TAFA4: variants seen among roughly 807,000 people sequenced by gnomAD.
The protein encoded by TAFA4 is chemokine-like protein TAFA-4.
In TAFA4, 20 loss-of-function variants were observed where a neutral mutation model predicts 21.1. That is an observed-to-expected ratio of 0.95 (90% CI 0.67 to 1.38). The LOEUF (loss-of-function observed/expected upper bound fraction) is 1.38. TAFA4 is among the 40% of genes most tolerant of loss of function. TAFA4 has a pLI of 0.00. For synonymous variants in TAFA4, 71 were observed against 67.4 expected, an observed-to-expected ratio of 1.05 and a Z score of -0.26; for missense variants, 211 against 180.9, an observed-to-expected ratio of 1.17 and a Z score of -0.95.
At chr3:68,806,882 T>C (rs1170305175) in intron 3 of TAFA4, among the ~76,000 whole-genome samples, 1 of 152,194 alleles carries the variant, frequency 6.6e-6, no homozygotes, top group East Asian at 1.9e-4. Flanking sequence ...AATGAATTTC[T>C]GTCAAGCCAC....
intron 3 of TAFA4, among the ~76,000 whole-genome samples, chr3:68,877,599 G>C (rs1469857580): frequency 1.3e-5 from 2 of 152,110 alleles, no homozygotes; most frequent in African/African-American, 4.8e-5. Flanking sequence ...CACCCTTCTG[G>C]GTCACTCTGT....
intron 3 of TAFA4, among the ~76,000 whole-genome samples, chr3:68,803,730 G>A (rs1446431953): frequency 6.9e-6 from 1 of 145,184 alleles, no homozygotes; most frequent in Non-Finnish European, 1.5e-5. Flanking sequence ...TCTTCCTAAA[G>A]CCCTACCAAA....
At chr3:68,761,330 A>C (rs9850804) in intron 3 of TAFA4, among the ~76,000 whole-genome samples, 147,965 of 151,888 alleles carry the variant, frequency 0.97, 72,100 homozygotes, top group East Asian at 0.99. Flanking sequence ...TAACACTGAA[A>C]AAAATGAGCA....
chr3:68,819,222 A>T (rs1389818405), intron 3 of TAFA4, among the ~76,000 whole-genome samples: 1 of 150,846 alleles, frequency 6.6e-6, no homozygotes, highest in Admixed American at 6.6e-5. Context: ...GTGAGCTGAA[A>T]TTGCACTACT....
intron 1 of TAFA4, among the ~76,000 whole-genome samples, chr3:68,899,464 A>G (rs1000134697): frequency 6.6e-6 from 1 of 151,920 alleles, no homozygotes; most frequent in Non-Finnish European, 1.5e-5. Context: ...AACTTCTTCC[A>G]TGGTTTGACA....
At chr3:68,762,160 T>C (rs1455849812) in intron 3 of TAFA4, among the ~76,000 whole-genome samples, 1 of 151,362 alleles carries the variant, frequency 6.6e-6, no homozygotes, top group African/African-American at 2.4e-5. Flanking sequence ...AGAAAAAGAT[T>C]ACCTCTATGT....
intron 1 of TAFA4, among the ~76,000 whole-genome samples, chr3:68,903,286 C>G: frequency 6.6e-6 from 1 of 151,978 alleles, no homozygotes; most frequent in East Asian, 1.9e-4. Context: ...AATCAGGGGT[C>G]CATAAACCGG....
intron 4 of TAFA4, among the ~76,000 whole-genome samples, chr3:68,748,465 G>C (rs1008975702): frequency 3.3e-5 from 5 of 152,148 alleles, no homozygotes; most frequent in Non-Finnish European, 5.9e-5. Flanking sequence ...AAAGTGGGCC[G>C]GGTGCGGTGG....
At chr3:68,766,683 G>C (rs1172679022) in intron 3 of TAFA4, among the ~76,000 whole-genome samples, 1 of 152,044 alleles carries the variant, frequency 6.6e-6, no homozygotes, top group Non-Finnish European at 1.5e-5. Context: ...ACTACAAAAA[G>C]CAGAGTAAAG....
intron 3 of TAFA4, among the ~76,000 whole-genome samples, chr3:68,769,532 T>C (rs1037122683): frequency 5.9e-5 from 9 of 152,266 alleles, no homozygotes; most frequent in Non-Finnish European, 1.2e-4. Flanking sequence ...TGATTAACAG[T>C]AGTGTATATT....
chr3:68,765,128 G>A (rs181784930), intron 3 of TAFA4, among the ~76,000 whole-genome samples: 259 of 152,118 alleles, frequency 1.7e-3, no homozygotes, highest in Admixed American at 8.6e-3. Flanking sequence ...TAAACAAAAG[G>A]ACTTGTTTTA....
intron 1 of TAFA4, among the ~76,000 whole-genome samples, chr3:68,926,892 CAG>C (rs1337102086): frequency 6.6e-6 from 1 of 152,104 alleles, no homozygotes; most frequent in African/African-American, 2.4e-5. Context: ...GCCTGGGTGA[CAG>C]AGCAAGAATC....
chr3:68,875,962 A>T (rs1239020507), intron 3 of TAFA4, among the ~76,000 whole-genome samples: 2 of 152,176 alleles, frequency 1.3e-5, no homozygotes, highest in Non-Finnish European at 2.9e-5. Flanking sequence ...AATAAAACAT[A>T]AAAGAAATTA....
intron 3 of TAFA4, among the ~76,000 whole-genome samples, chr3:68,798,231 C>T (rs1256174155): frequency 6.6e-6 from 1 of 152,086 alleles, no homozygotes; most frequent in Non-Finnish European, 1.5e-5. Flanking sequence ...CTGGTGTGTA[C>T]AAAGGTGAAT....
At chr3:68,924,223 G>C (rs1013597303) in intron 1 of TAFA4, among the ~76,000 whole-genome samples, 1 of 152,102 alleles carries the variant, frequency 6.6e-6, no homozygotes, top group Non-Finnish European at 1.5e-5. Context: ...TAGCCAAAAG[G>C]TGGAAAAAAA....
At chr3:68,857,135 G>A (rs1051151730) in intron 3 of TAFA4, among the ~76,000 whole-genome samples, 2 of 152,080 alleles carry the variant, frequency 1.3e-5, no homozygotes, top group Non-Finnish European at 2.9e-5. Flanking sequence ...TTATATGTTC[G>A]AAATGTGGCA....
At chr3:68,811,706 T>C (rs1703844011) in intron 3 of TAFA4, among the ~76,000 whole-genome samples, 1 of 152,188 alleles carries the variant, frequency 6.6e-6, no homozygotes, top group African/African-American at 2.4e-5. Flanking sequence ...GATTGGTGTA[T>C]CTGAAAGTGA....
At chr3:68,875,055 G>A (rs1224317070) in intron 3 of TAFA4, among the ~76,000 whole-genome samples, 2 of 152,148 alleles carry the variant, frequency 1.3e-5, no homozygotes, top group African/African-American at 4.8e-5. Context: ...AAAAAGCTGA[G>A]CTGGTACAAA....
At chr3:68,764,236 C>T (rs1702808131) in intron 3 of TAFA4, among the ~76,000 whole-genome samples, 1 of 151,952 alleles carries the variant, frequency 6.6e-6, no homozygotes, top group African/African-American at 2.4e-5. Flanking sequence ...TCCCCATACC[C>T]CCACAGAGAA....
Sources: allele counts gnomAD v4.1 joint callset (sites outside exome capture counted in the v4.1 genomes callset), GRCh38; gene constraint gnomAD v4.1.1; transcripts MANE v1.5; gene names NCBI Gene and HGNC (gene_info 2026-07-23, HGNC 2026-07-21).